The following AKAP12 variants were observed in gnomAD, a reference collection of about 807,000 sequenced individuals.
The protein encoded by AKAP12 is A-kinase anchor protein 12.
In AKAP12, 32 loss-of-function variants were observed where a neutral mutation model predicts 79.9. The ratio of observed to expected loss-of-function variants is 0.40; its 90% CI spans 0.30 to 0.54. The LOEUF (loss-of-function observed/expected upper bound fraction) is 0.54. Among genes scored for constraint, AKAP12 ranks in the 20% least tolerant of loss-of-function variants. The probability of loss-of-function intolerance (pLI) is 0.48; values close to 1 mark genes in which losing one functional copy is unlikely to be tolerated. For synonymous variants in AKAP12, 808 were observed against 857.0 expected (o/e 0.94, Z 1.00); for missense variants, 2,074 against 2,177.0 (o/e 0.95, Z 0.94).
intron 3 of AKAP12, among the ~76,000 whole-genome samples, chr6:151,306,652 C>T (rs1424871030): frequency 6.6e-6 from 1 of 152,206 alleles, no homozygotes; most frequent in South Asian, 2.1e-4. Flanking sequence ...AGTCCTTTCA[C>T]AGGAGATTCA....
intron 2 of AKAP12, among the ~76,000 whole-genome samples, chr6:151,297,323 T>A (rs1776756677): frequency 6.6e-6 from 1 of 151,888 alleles, no homozygotes; most frequent in African/African-American, 2.4e-5. Context: ...ACACCTGTAA[T>A]CCCAGCACTT....
chr6:151,254,539 C>T (rs190951601), intron 2 of AKAP12, among the ~76,000 whole-genome samples: 95 of 152,162 alleles, frequency 6.2e-4, no homozygotes, highest in Non-Finnish European at 1.1e-3. Context: ...TTAGTAGAGA[C>T]CGGGTTTCGC....
chr6:151,329,613 T>C (rs1457301407), intron 3 of AKAP12, among the ~76,000 whole-genome samples: 1 of 152,196 alleles, frequency 6.6e-6, no homozygotes, highest in East Asian at 1.9e-4. Context: ...ATGCAAATAA[T>C]TTTTACAAGA....
At chr6:151,248,199 A>AC (rs1797112365) in intron 2 of AKAP12, among the ~76,000 whole-genome samples, 1 of 151,404 alleles carries the variant, frequency 6.6e-6, no homozygotes, top group African/African-American at 2.4e-5. Flanking sequence ...TTTCAAAGAC[A>AC]CCCCTACACC....
rs1464174084 is a variant in AKAP12 at position 151,313,517 on chromosome 6, T to TA, written c.319+7615dup. Among the ~76,000 whole-genome samples the TA allele has an allele frequency of 2.6e-5, 4 of 152,216 alleles. No individual in the cohort carries two copies. The East Asian group carries it at 7.7e-4, about 29-fold the overall frequency. ...GTTTTTAGTGTGGCTGCACTGAAAT[T>TA]ACTTATGTCATTGACAAATTTCTGG... On this transcript the variant is annotated intron_variant, in intron 3 of 4. Coordinates refer to ENST00000402676, the MANE Select transcript of AKAP12 (RefSeq NM_005100.4).
rs531919853 is a variant in AKAP12, at chr6:151,335,147, T to G, written c.320-13564T>G. 2.0e-5 allele frequency among the ~76,000 whole-genome samples: 3 copies of G among 152,330 alleles called. No individual in the cohort carries two copies. In the East Asian group the frequency reaches 5.8e-4, roughly 29 times the overall value. On this transcript the variant is annotated intron_variant, in intron 3 of 4. Transcript: ENST00000402676. ...ACAGAAAAACAAATTGTGCAGCCAT[T>G]AGGTCTTAGTTTTGAAGACTTTATT...
intron 3 of AKAP12, among the ~76,000 whole-genome samples, chr6:151,327,001 G>T: frequency 6.6e-6 from 1 of 152,002 alleles, no homozygotes; most frequent in Admixed American, 6.6e-5. Flanking sequence ...ATTTTTAGTA[G>T]AGCCGGGGTT....
chr6:151,340,051 G>A (rs1473160276), intron 3 of AKAP12, among the ~76,000 whole-genome samples: 7 of 151,872 alleles, frequency 4.6e-5, no homozygotes, highest in Non-Finnish European at 8.8e-5. Context: ...TCAGCCTCCC[G>A]AGTAGCTGGG....
intron 2 of AKAP12, among the ~76,000 whole-genome samples, chr6:151,296,530 A>G (rs1776728057): frequency 6.6e-6 from 1 of 152,148 alleles, no homozygotes; most frequent in Admixed American, 6.5e-5. Context: ...AAATCCCAAC[A>G]CCTTAGGAGG....
intron 2 of AKAP12, among the ~76,000 whole-genome samples, chr6:151,300,983 G>A (rs571290156): frequency 2.0e-5 from 3 of 152,192 alleles, no homozygotes; most frequent in Non-Finnish European, 4.4e-5. Flanking sequence ...TAAGTTCAGG[G>A]TGGAGGGATA....
Position 151,352,734 on chromosome 6 carries a change from G to C in AKAP12, c.4343G>C (p.Gly1448Ala). ...ACAGGTGAAACGTTGGAGCCTGCAG[G>C]TGCACATTTAGTTCTGGAAGAGAAA... ...LETGETLEPA[G>A]AHLVLEEKSS... The change falls in exon 4 of 5, where the codon GGT becomes GCT. Residue 1448 changes from glycine to alanine, a missense_variant. By Grantham distance (60) the Gly-to-Ala change is moderately conservative (BLOSUM62 0). Coordinates refer to ENST00000402676, the MANE Select transcript of AKAP12 (RefSeq NM_005100.4). 6.2e-7 allele frequency: 1 copy of C among 1,614,184 alleles called. No individual in the cohort carries two copies. The highest frequency in any genetic ancestry group is 8.5e-7 in the Non-Finnish European group (1 of 1,180,044).
chr6:151,332,569 A>C (rs1276968724), intron 3 of AKAP12, among the ~76,000 whole-genome samples: 1 of 152,214 alleles, frequency 6.6e-6, no homozygotes, highest in Non-Finnish European at 1.5e-5. Context: ...CTCTTGAGAA[A>C]CAAGGCATGG....
At chr6:151,251,541 G>C (rs1220444264) in intron 2 of AKAP12, among the ~76,000 whole-genome samples, 1 of 152,152 alleles carries the variant, frequency 6.6e-6, no homozygotes, top group East Asian at 1.9e-4. Context: ...TTGGAAGATG[G>C]AGTACCTCTA....
chr6:151,283,913 T>C (rs371413131), intron 2 of AKAP12, among the ~76,000 whole-genome samples: 12 of 152,306 alleles, frequency 7.9e-5, no homozygotes, highest in African/African-American at 2.2e-4. Context: ...CTGGCTTCAT[T>C]TCTCCCCTGA....
chr6:151,297,241 G>A (rs1480236373), intron 2 of AKAP12, among the ~76,000 whole-genome samples: 2 of 151,306 alleles, frequency 1.3e-5, no homozygotes, highest in Non-Finnish European at 3.0e-5. Flanking sequence ...ACTTGCCCTC[G>A]CAACCTGAGG....
chr6:151,305,773 C>T lies in AKAP12; in HGVS notation c.189C>T (p.Ser63=), dbSNP rs756196582. Residue 63 remains serine (S), a synonymous_variant, in exon 3 of 5, where the codon TCC becomes TCT. Transcript: ENST00000402676. ...TKLLQKNGQL[S]TINGVAEQDE... ...TCCTACAGAAGAATGGTCAGCTGTC[C>T]ACCATCAATGGCGTAGCTGAGCAAG... 8.7e-6 allele frequency: 14 copies of T among 1,613,000 alleles called. No homozygotes were observed. In the African/African-American group the frequency reaches 1.5e-4, roughly 17 times the overall value.
At chr6:151,261,818 C>T (rs531296761) in intron 2 of AKAP12, among the ~76,000 whole-genome samples, 8 of 149,234 alleles carry the variant, frequency 5.4e-5, no homozygotes, top group Non-Finnish European at 1.0e-4. Context: ...AGTGCAATGG[C>T]GTGAGCTCGG....
At chr6:151,259,579 C>CT (rs35514304) in intron 2 of AKAP12, among the ~76,000 whole-genome samples, 132 of 102,816 alleles carry the variant, frequency 1.3e-3, no homozygotes, top group Admixed American at 2.1e-3. Context: ...CCTTTTTTTC[C>CT]TTTTTTTTTT....
chr6:151,283,610 A>G (rs549769381), intron 2 of AKAP12, among the ~76,000 whole-genome samples: 6 of 152,214 alleles, frequency 3.9e-5, no homozygotes, highest in African/African-American at 1.4e-4. Flanking sequence ...CATTGTACCA[A>G]TGAGGAAGCA....
Sources: gnomAD v4.1 joint callset for allele counts (sites outside exome capture counted in the v4.1 genomes callset) on GRCh38, gnomAD v4.1.1 for gene constraint, MANE v1.5 for transcripts, NCBI Gene and HGNC (gene_info 2026-07-23, HGNC 2026-07-21) for gene names.